The following NIPAL3 variants were observed in gnomAD, a reference collection of about 807,000 sequenced individuals.
NIPAL3 encodes the protein NIPA-like protein 3.
A neutral mutation model predicts 47.2 loss-of-function variants in NIPAL3; 41 were observed. The ratio of observed to expected loss-of-function variants is 0.87; its 90% CI spans 0.68 to 1.13. The LOEUF is 1.13. Among genes scored for constraint, NIPAL3 ranks in the 50% most tolerant of loss-of-function variants. The pLI, the probability that NIPAL3 is intolerant of heterozygous loss-of-function variation, is 0.00. For missense variants in NIPAL3, 449 were observed against 530.1 expected, an observed-to-expected ratio of 0.85 and a Z score of 1.50; for synonymous variants, 194 against 209.6, an observed-to-expected ratio of 0.93 and a Z score of 0.64.
chr1:24,427,342 C>T (rs1451917055), intron 2 of NIPAL3, among the ~76,000 whole-genome samples: 1 of 152,166 alleles, frequency 6.6e-6, no homozygotes, highest in East Asian at 1.9e-4. Flanking sequence ...TCTTTGAATG[C>T]TCATAAAATT....
intron 8 of NIPAL3, chr1:24,457,629 C>T (rs185932306): frequency 2.3e-5 from 10 of 425,624 alleles, no homozygotes; most frequent in South Asian, 3.6e-5. Context: ...GGAACTGATG[C>T]GGAGAGAGTA....
chr1:24,417,639 A>G (rs1301688983), intron 1 of NIPAL3, among the ~76,000 whole-genome samples: 1 of 152,236 alleles, frequency 6.6e-6, no homozygotes, highest in Non-Finnish European at 1.5e-5. Flanking sequence ...GTCTGCAGGT[A>G]GTAGCAATAA....
At chr1:24,456,923 C>T (rs1033194068) in intron 8 of NIPAL3, among the ~76,000 whole-genome samples, 11 of 152,024 alleles carry the variant, frequency 7.2e-5, no homozygotes, top group Non-Finnish European at 1.0e-4. Context: ...CCACCACACC[C>T]GGCTAATTTT....
intron 2 of NIPAL3, among the ~76,000 whole-genome samples, chr1:24,421,024 A>G (rs1337775947): frequency 2.6e-5 from 4 of 152,126 alleles, no homozygotes; most frequent in Admixed American, 2.6e-4. Flanking sequence ...TTATTTTTTT[A>G]AAGATCAGAG....
intron 2 of NIPAL3, among the ~76,000 whole-genome samples, chr1:24,437,331 T>C (rs961628927): frequency 6.6e-5 from 10 of 152,180 alleles, no homozygotes; most frequent in Admixed American, 2.6e-4. Context: ...TGTGGTAAGG[T>C]TTTATTTCAA....
At chr1:24,415,786 G>C, upstream of NIPAL3, 2 of 956,886 alleles carry the variant, frequency 2.1e-6, no homozygotes, top group Non-Finnish European at 2.5e-6. Flanking sequence ...AAACACTGCA[G>C]CATCTTGGCA....
intron 11 of NIPAL3, among the ~76,000 whole-genome samples, chr1:24,467,367 G>T (rs1557541130): frequency 6.6e-6 from 1 of 152,182 alleles, no homozygotes; most frequent in African/African-American, 2.4e-5. Flanking sequence ...CTACTCGGGA[G>T]GCTCAGGCAG....
intron 2 of NIPAL3, among the ~76,000 whole-genome samples, chr1:24,429,295 C>G (rs1278618095): frequency 6.6e-6 from 1 of 151,994 alleles, no homozygotes; most frequent in Non-Finnish European, 1.5e-5. Flanking sequence ...GCCTGTAGTC[C>G]CAGCTACTCA....
Position 24,467,034 on chromosome 1 carries a change from T to G in NIPAL3, c.1022-1952T>G, listed in dbSNP as rs186544814. Among the ~76,000 whole-genome samples the G allele has an allele frequency of 5.4e-3, 825 of 152,358 alleles. 3 individuals are homozygous for G. The highest frequency in any genetic ancestry group is 9.5e-3 in the Non-Finnish European group (647 of 68,030). Reference sequence around the variant, plus strand: ...CCACCTTGGTCTCTCATTAGCTGTGTGACCTTGGGCAAGTTACTTCACCTC... The same window carrying G: ...CCACCTTGGTCTCTCATTAGCTGTGGGACCTTGGGCAAGTTACTTCACCTC... On this transcript the variant is annotated intron_variant, in intron 11 of 11. Transcript: ENST00000374399.
rs1406187510 is a variant in NIPAL3 at position 24,419,501 on chromosome 1, G to A, written c.-47G>A. On this transcript the variant is annotated 5_prime_UTR_variant, in exon 2 of 12. Coordinates refer to ENST00000374399, the MANE Select transcript of NIPAL3 (RefSeq NM_020448.5). ...CTGGCCTGGGCCCCGCCTAGCAGCA[G>A]CTCCACCTCCTAGGCCAGGCCCTGT... The A allele has an allele frequency of 1.3e-6, 2 of 1,538,922 alleles. No individual in the cohort carries two copies. The highest frequency in any genetic ancestry group is 1.2e-5 in the South Asian group (1 of 82,332).
intron 10 of NIPAL3, among the ~76,000 whole-genome samples, chr1:24,461,979 A>G (rs1646492760): frequency 6.6e-6 from 1 of 152,232 alleles, no homozygotes; most frequent in Admixed American, 6.5e-5. Context: ...TAATAAAGAC[A>G]TACCTGAGAC....
intron 5 of NIPAL3, among the ~76,000 whole-genome samples, chr1:24,448,456 T>C (rs1406811211): frequency 2.6e-5 from 4 of 152,240 alleles, no homozygotes; most frequent in Non-Finnish European, 5.9e-5. Context: ...ATAGTTCCCT[T>C]GGCGTTAGGT....
At chr1:24,420,521 A>G (rs1449434031) in intron 2 of NIPAL3, among the ~76,000 whole-genome samples, 1 of 152,092 alleles carries the variant, frequency 6.6e-6, no homozygotes, top group East Asian at 1.9e-4. Context: ...AAAAGTATAT[A>G]TATATATAGG....
chr1:24,424,235 C>T (rs1570188829), intron 2 of NIPAL3, among the ~76,000 whole-genome samples: 1 of 152,142 alleles, frequency 6.6e-6, no homozygotes, highest in African/African-American at 2.4e-5. Flanking sequence ...AGAAGAGGAC[C>T]TGGGTCCAAA....
At chr1:24,460,344 T>C in intron 9 of NIPAL3, 137 bp from the exon 10 acceptor site, 1 of 692,062 alleles carries the variant, frequency 1.4e-6, no homozygotes. Context: ...TATTCCTTTC[T>C]TCTTGTAAGG....
At position 24,449,122 on chromosome 1, in the gene NIPAL3, C is replaced by T. The variant is rs1645810002; in HGVS notation, c.395-359C>T. Among the ~76,000 whole-genome samples, 1 of 152,168 alleles carries T rather than the reference C, an allele frequency of 6.6e-6. No individual in the cohort carries two copies. The highest frequency in any genetic ancestry group is 1.5e-5 in the Non-Finnish European group (1 of 68,030). On this transcript the variant is annotated intron_variant, in intron 5 of 11. Transcript: ENST00000374399. The surrounding 1 kb of genome is among the most constrained non-coding windows in gnomAD (Gnocchi z 4.5). Reference sequence around the variant, plus strand: ...GCTGTTACAGGTCAAGATAGTGTAACCCTGAGGGTGGGGTCTAGTAATCAA... The same window carrying T: ...GCTGTTACAGGTCAAGATAGTGTAATCCTGAGGGTGGGGTCTAGTAATCAA...
intron 2 of NIPAL3, among the ~76,000 whole-genome samples, chr1:24,423,800 T>G (rs553398164): frequency 6.6e-6 from 1 of 152,266 alleles, no homozygotes; most frequent in East Asian, 1.9e-4. Context: ...ACTGGCTGAT[T>G]TGAAGAACTC....
chr1:24,462,776 T>A (rs1307391570), intron 10 of NIPAL3, among the ~76,000 whole-genome samples: 1 of 150,110 alleles, frequency 6.7e-6, no homozygotes, highest in African/African-American at 2.5e-5. Context: ...CGAAAAAAAA[T>A]AATGAACTAC....
intron 7 of NIPAL3, 94 bp downstream of exon 7, chr1:24,453,598 C>T (rs1033647703): frequency 1.0e-5 from 10 of 998,964 alleles, no homozygotes; most frequent in Admixed American, 4.4e-5. Flanking sequence ...CCGCTGGGCA[C>T]AGAAGTTGCT....
Sources: gnomAD v4.1 joint callset for allele counts (sites outside exome capture counted in the v4.1 genomes callset) on GRCh38, gnomAD v4.1.1 for gene constraint, Gnocchi (gnomAD v3.1) non-coding constraint, MANE v1.5 for transcripts, NCBI Gene and HGNC (gene_info 2026-07-23, HGNC 2026-07-21) for gene names.